The following LIPK variants were observed in gnomAD, a reference collection of about 807,000 sequenced individuals.
The protein encoded by LIPK is lipase family member K.
A neutral mutation model predicts 48.6 loss-of-function variants in LIPK; 32 were observed. The ratio of observed to expected loss-of-function variants is 0.66; its 90% CI spans 0.50 to 0.88. LIPK has a LOEUF of 0.88. Ranked by LOEUF, LIPK falls within the 40% of genes least tolerant of loss-of-function variation. LIPK has a pLI of 0.00. For missense variants in LIPK, 507 were observed against 478.5 expected (o/e 1.06, Z -0.56); for synonymous variants, 164 against 157.4 (o/e 1.04, Z -0.32).
chr10:88,708,348 A>G (rs573683512), intron 1 of LIPK, among the ~76,000 whole-genome samples: 2 of 152,248 alleles, frequency 1.3e-5, no homozygotes, highest in South Asian at 4.1e-4. Context: ...AAGAGAGAAA[A>G]TGTTTATTCC....
rs145540303 is a variant in LIPK, at chr10:88,735,237, C to A, written c.670-2398C>A. 8.7e-3 allele frequency among the ~76,000 whole-genome samples: 1,323 copies of A among 152,280 alleles called. 9 individuals carry two copies. The highest frequency in any genetic ancestry group is 9.8e-3 in the Non-Finnish European group (665 of 68,016). ...TTGAGAAATTCATTCATCCATTCCC[C>A]CTTCCTCACCTCCCATTTTGCCCCT... On this transcript the variant is annotated intron_variant, in intron 6 of 9. Coordinates refer to ENST00000404190, the MANE Select transcript of LIPK (RefSeq NM_001080518.2).
Position 88,708,696 on chromosome 10 carries a change from C to T in LIPK, c.-12+2376C>T, listed in dbSNP as rs73350706. Among the ~76,000 whole-genome samples the T allele has an allele frequency of 3.5e-3, 533 of 152,106 alleles. 2 individuals are homozygous for T. Among genetic ancestry groups the T allele is most frequent in the African/African-American group, 0.012 (487 of 41,556 alleles). ...AGAATAATGATTTGATGCCTAATAT[C>T]ATCCATTTAAAAATTCCCTTAATGA... On this transcript the variant is annotated intron_variant, in intron 1 of 9. Coordinates refer to ENST00000404190, the MANE Select transcript of LIPK (RefSeq NM_001080518.2).
intron 9 of LIPK, among the ~76,000 whole-genome samples, chr10:88,751,123 T>A (rs1314591922): frequency 6.6e-6 from 1 of 152,160 alleles, no homozygotes; most frequent in Non-Finnish European, 1.5e-5. Context: ...TGCCTTAGCA[T>A]GTCATTCCCT....
chr10:88,719,403 G>C (rs577383818), intron 1 of LIPK, among the ~76,000 whole-genome samples: 292 of 152,362 alleles, frequency 1.9e-3, no homozygotes, highest in Non-Finnish European at 3.6e-3. Context: ...TGATGGAGTT[G>C]AGACACAGGA....
chr10:88,730,552 G>A (rs752211794), intron 3 of LIPK, among the ~76,000 whole-genome samples: 2 of 152,170 alleles, frequency 1.3e-5, no homozygotes, highest in Non-Finnish European at 2.9e-5. Flanking sequence ...AGCTCCCAAA[G>A]TGCTGAGATT....
intron 7 of LIPK, among the ~76,000 whole-genome samples, chr10:88,739,170 C>CT (rs138772343): frequency 0.014 from 2,160 of 151,940 alleles, 51 homozygotes; most frequent in African/African-American, 0.05. Context: ...CTAAATATAC[C>CT]GACTGAATTA....
At chr10:88,736,788 G>A (rs1842580442) in intron 6 of LIPK, among the ~76,000 whole-genome samples, 1 of 152,132 alleles carries the variant, frequency 6.6e-6, no homozygotes, top group Non-Finnish European at 1.5e-5. Flanking sequence ...CAAATACGGA[G>A]TAAAGATCTT....
chr10:88,720,191 A>G (rs1842196505), intron 1 of LIPK, among the ~76,000 whole-genome samples: 1 of 152,220 alleles, frequency 6.6e-6, no homozygotes, highest in African/African-American at 2.4e-5. Context: ...ACTGTCATGT[A>G]GAGCATCTGC....
At position 88,731,067 on chromosome 10, in the gene LIPK, C is replaced by G. The variant is rs771847564; in HGVS notation, c.308C>G (p.Ala103Gly). The G allele has an allele frequency of 6.2e-7, 1 of 1,603,904 alleles. No homozygotes were observed. The change falls in exon 4 of 10, where the codon GCT (alanine) becomes GGT (glycine). Residue 103 changes from alanine (A) to glycine (G), a missense_variant. Transcript: ENST00000404190. ...TGCAACCTGCCCAACAACAGTTTGG[C>G]TTTCCTTCTGGCAGATAGTGGTTAT... ...WICNLPNNSL[A>G]FLLADSGYDV...
chr10:88,706,760 T>C (rs1841942913), intron 1 of LIPK, among the ~76,000 whole-genome samples: 1 of 152,206 alleles, frequency 6.6e-6, no homozygotes, highest in Non-Finnish European at 1.5e-5. Flanking sequence ...GAATATTCTT[T>C]TTTATGATCA....
chr10:88,733,168 A>C (rs1215874701), intron 6 of LIPK, among the ~76,000 whole-genome samples: 1 of 152,212 alleles, frequency 6.6e-6, no homozygotes, highest in Non-Finnish European at 1.5e-5. Context: ...CTAAATGCCC[A>C]ACCTTGTTTC....
At position 88,726,796 on chromosome 10, in the gene LIPK, G is replaced by T; in HGVS notation, c.107G>T (p.Ser36Ile). 2.0e-6 allele frequency: 3 copies of T among 1,485,558 alleles called. No homozygotes were observed. The highest frequency in any genetic ancestry group is 1.2e-5 in the South Asian group (1 of 86,276). 92.0% of individuals were successfully genotyped at this position (1,485,558 alleles called of 1,614,324 possible). A position where few individuals can be genotyped will look rare whatever the true frequency, so the allele number is the denominator to read the frequency against. ...NANPEANMNI[S>I]QIISYWGYPY... ...ATATATTTCCTTTCCTCTTTTTAGA[G>T]CCAGATTATTTCTTACTGGGGTTAT... is the stretch of plus-strand genomic sequence containing the variant. The change falls in exon 3 of 10, where the codon AGC becomes ATC. Residue 36 changes from serine (S) to isoleucine (I), a missense_variant and splice_region_variant. Physicochemically the swap from Ser to Ile is moderately radical, Grantham distance 142. Transcript: ENST00000404190.
At chr10:88,735,735 A>T (rs1205198789) in intron 6 of LIPK, among the ~76,000 whole-genome samples, 1 of 152,202 alleles carries the variant, frequency 6.6e-6, no homozygotes, top group Non-Finnish European at 1.5e-5. Flanking sequence ...CCCTGCTGTT[A>T]TGTGACAAAT....
At chr10:88,749,322 C>G (rs1554826570) in intron 9 of LIPK, among the ~76,000 whole-genome samples, 3 of 152,112 alleles carry the variant, frequency 2.0e-5, no homozygotes, top group Non-Finnish European at 4.4e-5. Context: ...CAATCTTAAG[C>G]AAAAAGAGCA....
intron 1 of LIPK, among the ~76,000 whole-genome samples, chr10:88,711,357 C>A (rs971988182): frequency 1.3e-5 from 2 of 152,026 alleles, no homozygotes; most frequent in Non-Finnish European, 2.9e-5. Flanking sequence ...ATAATCTTAC[C>A]TAGTTACCCT....
intron 3 of LIPK, among the ~76,000 whole-genome samples, chr10:88,730,356 C>T (rs1350206263): frequency 2.6e-5 from 4 of 152,126 alleles, no homozygotes; most frequent in Non-Finnish European, 5.9e-5. Context: ...GTGTGGCGAT[C>T]TCGGCTCACT....
intron 7 of LIPK, among the ~76,000 whole-genome samples, chr10:88,738,353 G>T (rs1180302892): frequency 6.6e-6 from 1 of 152,158 alleles, no homozygotes; most frequent in Non-Finnish European, 1.5e-5. Context: ...AGGGAGGAGG[G>T]AAAGAGAGGA....
chr10:88,745,185 G>A (rs905496579), intron 9 of LIPK, among the ~76,000 whole-genome samples: 1 of 151,006 alleles, frequency 6.6e-6, no homozygotes. Context: ...GGAAGAGAGA[G>A]GAAGTAACTT....
rs556772973 is a variant in LIPK at position 88,752,114 on chromosome 10, C to T, written c.961-403C>T. Reference sequence around the variant, plus strand: ...TGCTCCCTGAAGAGTCTGCTGATTCCCAAATATTAATAATGCCACTGAGCC... The same window carrying T: ...TGCTCCCTGAAGAGTCTGCTGATTCTCAAATATTAATAATGCCACTGAGCC... On this transcript the variant is annotated intron_variant, in intron 9 of 9. Transcript: ENST00000404190. Among the ~76,000 whole-genome samples, 5 of 152,190 alleles carry T rather than the reference C, an allele frequency of 3.3e-5. No homozygotes were observed. In the East Asian group the frequency reaches 9.6e-4, roughly 29 times the overall value.
Sources: gnomAD v4.1 joint callset for allele counts (sites outside exome capture counted in the v4.1 genomes callset) on GRCh38, gnomAD v4.1.1 for gene constraint, MANE v1.5 for transcripts, NCBI Gene and HGNC (gene_info 2026-07-23, HGNC 2026-07-21) for gene names.